Variants in GFOD2 observed in about 807,000 individuals in gnomAD.
GFOD2 encodes the protein glucose-fructose oxidoreductase domain-containing protein 2.
A neutral mutation model predicts 24.6 loss-of-function variants in GFOD2; 9 were observed. The observed-to-expected ratio is 0.37, with a 90% CI of 0.22 to 0.64. The LOEUF is 0.64. GFOD2 is among the 30% of genes least tolerant of loss of function. The pLI, the probability that GFOD2 is intolerant of heterozygous loss-of-function variation, is 0.65. For synonymous variants in GFOD2, 211 were observed against 224.8 expected (o/e 0.94, Z 0.55); for missense variants, 476 against 532.5 (o/e 0.89, Z 1.04).
chr16:67,695,105 T>C (rs984915945), intron 1 of GFOD2, among the ~76,000 whole-genome samples: 1 of 151,670 alleles, frequency 6.6e-6, no homozygotes, highest in Non-Finnish European at 1.5e-5. Context: ...CGATTCTCCT[T>C]GCCTCAGCTA....
intron 2 of GFOD2, chr16:67,683,689 A>C (rs562642762): frequency 1.6e-6 from 2 of 1,230,838 alleles, no homozygotes; most frequent in African/African-American, 3.1e-5. Context: ...TTCCCTACCC[A>C]CTGAGCCAGA....
chr16:67,706,070 C>T (rs573039486), intron 1 of GFOD2, among the ~76,000 whole-genome samples: 2 of 150,580 alleles, frequency 1.3e-5, no homozygotes, highest in East Asian at 4.0e-4. Context: ...GCAACCTCCG[C>T]CTCCGGGGTT....
intron 1 of GFOD2, among the ~76,000 whole-genome samples, chr16:67,698,790 T>C (rs2053377457): frequency 6.6e-6 from 1 of 152,206 alleles, no homozygotes; most frequent in South Asian, 2.1e-4. Context: ...GCATTTTTTT[T>C]CTTTAATTTG....
chr16:67,686,469 G>A (rs947839319), intron 1 of GFOD2, among the ~76,000 whole-genome samples: 3 of 152,124 alleles, frequency 2.0e-5, no homozygotes, highest in Non-Finnish European at 4.4e-5. Flanking sequence ...TGTATAATAA[G>A]GGGAGTGATT....
At chr16:67,684,301 AG>A (rs1219661439) in intron 2 of GFOD2, 1 of 152,192 alleles carries the variant, frequency 6.6e-6, no homozygotes, top group African/African-American at 2.4e-5. Flanking sequence ...TGAACCTGGG[AG>A]GTGGAGGTTG....
chr16:67,691,657 C>T (rs1045388771), intron 1 of GFOD2, among the ~76,000 whole-genome samples: 4 of 152,080 alleles, frequency 2.6e-5, no homozygotes, highest in Admixed American at 1.3e-4. Flanking sequence ...TGTACCCCCC[C>T]AGGAGCTCCT....
intron 2 of GFOD2, chr16:67,680,825 A>T: frequency 1.0e-6 from 1 of 982,130 alleles, no homozygotes; most frequent in Non-Finnish European, 1.2e-6. Context: ...CAGGTTTGTT[A>T]CATATGTATA....
intron 1 of GFOD2, among the ~76,000 whole-genome samples, chr16:67,715,175 C>T (rs566472562): frequency 1.4e-4 from 21 of 152,158 alleles, no homozygotes; most frequent in Non-Finnish European, 2.8e-4. Flanking sequence ...TCTCCCGCCT[C>T]AGCCTCCCTA....
intron 1 of GFOD2, among the ~76,000 whole-genome samples, chr16:67,715,121 C>G (rs542047406): frequency 6.6e-6 from 1 of 152,074 alleles, no homozygotes; most frequent in African/African-American, 2.4e-5. Context: ...TGCAATGGCA[C>G]GATCTTGGCT....
intron 1 of GFOD2, among the ~76,000 whole-genome samples, chr16:67,712,315 AC>A (rs2053480520): frequency 1.6e-5 from 1 of 62,858 alleles, no homozygotes; most frequent in Admixed American, 2.4e-4. Flanking sequence ...CTCTCCCTCC[AC>A]GGTCTCCCTC....
Position 67,685,469 on chromosome 16 carries a change from C to T in GFOD2, c.247G>A (p.Val83Met), listed in dbSNP as rs140484538. The T allele has an allele frequency of 2.5e-6, 4 of 1,614,138 alleles. No homozygotes were observed. The highest frequency in any genetic ancestry group is 2.2e-5 in the East Asian group (1 of 44,884). ...IPPPLTRQIS[V>M]KALGIGKNVV... is the part of the protein sequence containing the mutation. ...CTGCCGGGCGTACCTAGAGCCTTCA[C>T]GGATATCTGCCGGGTGAGTGGAGGG... Residue 83 changes from valine (V) to methionine (M), a missense_variant, in exon 2 of 3, where the codon GTG (valine) becomes ATG (methionine). Coordinates refer to ENST00000268797, the MANE Select transcript of GFOD2 (RefSeq NM_030819.4).
intron 2 of GFOD2, chr16:67,677,235 TAG>T (rs903101983): frequency 3.0e-4 from 45 of 152,118 alleles, no homozygotes; most frequent in African/African-American, 1.1e-3. Context: ...AATATTGAGA[TAG>T]AGTCTCACTC....
At position 67,678,097 on chromosome 16, in the gene GFOD2, C is replaced by T. The variant is rs60966327; in HGVS notation, c.260-2044G>A. ...CCAAGATGGATTCTGTTCACACAGGCTCAGGAGGGGCCAGCTTACAGCAGA... is the reference window on the plus strand; with the variant it reads ...CCAAGATGGATTCTGTTCACACAGGTTCAGGAGGGGCCAGCTTACAGCAGA... On this transcript the variant is annotated intron_variant, in intron 2 of 2. Transcript: ENST00000268797. Among the ~76,000 whole-genome samples, 1,473 of 152,338 alleles carry T rather than the reference C, an allele frequency of 9.7e-3. 22 individuals carry two copies. The highest frequency in any genetic ancestry group is 0.033 in the African/African-American group (1,373 of 41,580).
chr16:67,694,435 G>A (rs2053342376), intron 1 of GFOD2, among the ~76,000 whole-genome samples: 2 of 152,100 alleles, frequency 1.3e-5, no homozygotes, highest in African/African-American at 2.4e-5. Flanking sequence ...GTGACCCACT[G>A]AGCCTGGCTT....
intron 1 of GFOD2, among the ~76,000 whole-genome samples, chr16:67,703,540 G>A (rs1470279954): frequency 6.6e-6 from 1 of 152,158 alleles, no homozygotes; most frequent in African/African-American, 2.4e-5. Context: ...TTCTTTAAAG[G>A]AGGCAATCTC....
intron 1 of GFOD2, among the ~76,000 whole-genome samples, chr16:67,698,593 C>G (rs1256114726): frequency 1.3e-5 from 2 of 152,170 alleles, no homozygotes; most frequent in African/African-American, 4.8e-5. Flanking sequence ...AGTCTCCTGC[C>G]TCAGCTTCCC....
rs374884165 is a variant in GFOD2, at chr16:67,675,414, G to A, written c.899C>T (p.Pro300Leu). The change falls in exon 3 of 3, where the codon CCG becomes CTG. Residue 300 changes from proline to leucine, a missense_variant. Transcript: ENST00000268797. Reference protein sequence around the residue: ...GLPEQGPQDVPLLYLKGMVYM... With the variant: ...GLPEQGPQDVLLLYLKGMVYM... The stretch of plus-strand genomic sequence containing the variant: ...GACCATGCCCTTCAGGTACAGCAGC[G>A]GGACATCCTGGGGCCCCTGCTCAGG... The A allele has an allele frequency of 1.9e-5, 31 of 1,612,794 alleles. No individual in the cohort carries two copies. The highest frequency in any genetic ancestry group is 1.6e-4 in the Middle Eastern group (1 of 6,084).
chr16:67,695,147 C>A (rs1263116110), intron 1 of GFOD2, among the ~76,000 whole-genome samples: 1 of 152,088 alleles, frequency 6.6e-6, no homozygotes, highest in African/African-American at 2.4e-5. Context: ...CAGGCACACG[C>A]CACCATACCC....
intron 1 of GFOD2, among the ~76,000 whole-genome samples, chr16:67,699,997 C>T (rs1156333469): frequency 1.3e-5 from 2 of 152,164 alleles, no homozygotes; most frequent in South Asian, 2.1e-4. Context: ...AACACTTGAG[C>T]CTGGGAGGTG....
Sources: allele counts gnomAD v4.1 joint callset (sites outside exome capture counted in the v4.1 genomes callset), GRCh38; gene constraint gnomAD v4.1.1; transcripts MANE v1.5; gene names NCBI Gene and HGNC (gene_info 2026-07-23, HGNC 2026-07-21).